Variants in CNBD1 observed in about 807,000 individuals in gnomAD.
The protein encoded by CNBD1 is cyclic nucleotide binding domain containing 1, also known as cyclic nucleotide-binding domain-containing protein 1.
In CNBD1, 71 loss-of-function variants were observed where a neutral mutation model predicts 54.4. That is an observed-to-expected ratio of 1.30 (90% confidence interval 1.08 to 1.59). CNBD1 has a LOEUF of 1.59. Ranked by LOEUF, CNBD1 falls within the 40% of genes most tolerant of loss-of-function variation. The pLI is 0.00. For synonymous variants in CNBD1, 182 were observed against 170.7 expected, an observed-to-expected ratio of 1.07 and a Z score of -0.51; for missense variants, 659 against 518.0, an observed-to-expected ratio of 1.27 and a Z score of -2.64.
chr8:87,305,159 G>A (rs988863007), intron 8 of CNBD1, among the ~76,000 whole-genome samples: 1 of 151,798 alleles, frequency 6.6e-6, no homozygotes, highest in African/African-American at 2.4e-5. Context: ...TTTTACAATA[G>A]CTGCAAAAAA....
At chr8:87,395,278 G>A (rs1294770941) in intron 2 of CNBD1, among the ~76,000 whole-genome samples, 1 of 151,816 alleles carries the variant, frequency 6.6e-6, no homozygotes, top group African/African-American at 2.4e-5. Flanking sequence ...CTTCCTGTAT[G>A]CTTGTGATAT....
chr8:87,027,879 A>G (rs913830414), intron 4 of CNBD1, among the ~76,000 whole-genome samples: 4 of 152,218 alleles, frequency 2.6e-5, no homozygotes, highest in African/African-American at 7.2e-5. Flanking sequence ...GCAACAAACA[A>G]GCTCCAAGTG....
chr8:87,236,060 A>G (rs180902325), intron 5 of CNBD1, among the ~76,000 whole-genome samples: 73 of 152,188 alleles, frequency 4.8e-4, no homozygotes, highest in African/African-American at 1.6e-3. Context: ...TAGGACATTA[A>G]AAAAAATGAT....
chr8:87,113,287 C>T (rs182371695), intron 4 of CNBD1, among the ~76,000 whole-genome samples: 10 of 152,308 alleles, frequency 6.6e-5, no homozygotes, highest in African/African-American at 1.4e-4. Context: ...ATCTGCTACA[C>T]GTCACCTCAT....
intron 4 of CNBD1, among the ~76,000 whole-genome samples, chr8:87,019,769 T>C (rs775497413): frequency 6.6e-6 from 1 of 152,022 alleles, no homozygotes; most frequent in Non-Finnish European, 1.5e-5. Flanking sequence ...TCCCAGCTAC[T>C]CGGGAAGCTG....
intron 4 of CNBD1, among the ~76,000 whole-genome samples, chr8:86,970,576 T>C (rs781239367): frequency 1.3e-5 from 2 of 150,558 alleles, no homozygotes; most frequent in Non-Finnish European, 3.0e-5. Context: ...AGCATAGTAA[T>C]CAATAGGTTT....
At chr8:86,970,591 C>T (rs1225618806) in intron 4 of CNBD1, among the ~76,000 whole-genome samples, 1 of 150,466 alleles carries the variant, frequency 6.6e-6, no homozygotes, top group African/African-American at 2.4e-5. Flanking sequence ...AGGTTTTCAA[C>T]CCTTCCCCTC....
intron 4 of CNBD1, among the ~76,000 whole-genome samples, chr8:86,954,117 G>A (rs78355448): frequency 0.019 from 2,962 of 152,236 alleles, 98 homozygotes; most frequent in African/African-American, 0.061. Flanking sequence ...TTTATCTCAT[G>A]TCCTTCCCTT....
At chr8:86,921,558 T>C (rs988023214) in intron 3 of CNBD1, among the ~76,000 whole-genome samples, 1 of 152,168 alleles carries the variant, frequency 6.6e-6, no homozygotes. Context: ...CTCATGATCA[T>C]GGTGGAAGAT....
intron 8 of CNBD1, among the ~76,000 whole-genome samples, chr8:87,300,571 G>T (rs1419773490): frequency 1.3e-5 from 2 of 152,076 alleles, no homozygotes; most frequent in Admixed American, 1.3e-4. Context: ...CATATAAAAT[G>T]ACATATATAG....
At chr8:87,162,203 T>G (rs967994521) in intron 4 of CNBD1, among the ~76,000 whole-genome samples, 4 of 152,084 alleles carry the variant, frequency 2.6e-5, no homozygotes. Context: ...CATAGAAGAA[T>G]TTTTCTAAAT....
At chr8:86,924,094 A>G (rs142866999) in intron 3 of CNBD1, among the ~76,000 whole-genome samples, 307 of 152,300 alleles carry the variant, frequency 2.0e-3, no homozygotes, top group African/African-American at 7.0e-3. Context: ...GTACCTCCCT[A>G]TGTCCTTAAA....
intron 4 of CNBD1, among the ~76,000 whole-genome samples, chr8:86,955,889 T>C (rs963032926): frequency 6.6e-6 from 1 of 152,204 alleles, no homozygotes; most frequent in African/African-American, 2.4e-5. Context: ...GGTGTTTTAG[T>C]CATGAAGTCC....
chr8:87,165,393 T>A (rs776278451), intron 4 of CNBD1, among the ~76,000 whole-genome samples: 42 of 151,948 alleles, frequency 2.8e-4, no homozygotes, highest in Non-Finnish European at 5.0e-4. Context: ...GTCCAATTCT[T>A]CTTTCAGTTG....
intron 4 of CNBD1, among the ~76,000 whole-genome samples, chr8:87,070,740 G>A (rs900527993): frequency 6.6e-6 from 1 of 151,896 alleles, no homozygotes; most frequent in East Asian, 1.9e-4. Context: ...TACAATCAAA[G>A]GTAATTACCT....
intron 2 of CNBD1, among the ~76,000 whole-genome samples, chr8:86,894,971 G>A (rs9886584): frequency 0.28 from 42,174 of 151,918 alleles, 6,296 homozygotes; most frequent in East Asian, 0.41. Context: ...AGTGGAAGGC[G>A]AAAGCAAGCT....
intron 5 of CNBD1, among the ~76,000 whole-genome samples, chr8:87,211,074 T>C (rs369188365): frequency 1.3e-5 from 2 of 152,308 alleles, no homozygotes; most frequent in East Asian, 3.9e-4. Flanking sequence ...TGTACCAGTG[T>C]GCTCCAGATT....
At chr8:87,240,783 G>GGT (rs1355063684) in intron 6 of CNBD1, among the ~76,000 whole-genome samples, 4 of 152,166 alleles carry the variant, frequency 2.6e-5, no homozygotes, top group Admixed American at 6.5e-5. Context: ...GTTTTCTCAG[G>GGT]GTGTTTCCCC....
intron 4 of CNBD1, among the ~76,000 whole-genome samples, chr8:86,981,661 G>A (rs1035337827): frequency 2.0e-5 from 3 of 152,144 alleles, no homozygotes; most frequent in Non-Finnish European, 2.9e-5. Context: ...ATCATATAGT[G>A]TGAAGTTGTA....
Sources: allele counts gnomAD v4.1 joint callset (sites outside exome capture counted in the v4.1 genomes callset), GRCh38; gene constraint gnomAD v4.1.1; transcripts MANE v1.5; gene names NCBI Gene and HGNC (gene_info 2026-07-23, HGNC 2026-07-21).